The following MACF1 variants were observed in gnomAD, a reference collection of about 807,000 sequenced individuals.
MACF1 encodes the protein microtubule-actin cross-linking factor 1.
Under a neutral mutation model 854.8 loss-of-function variants are expected in MACF1, and 193 were observed. That is an observed-to-expected ratio of 0.23 (90% confidence interval 0.20 to 0.25). The LOEUF (loss-of-function observed/expected upper bound fraction) is 0.25, where lower values mean the gene tolerates loss of function less well. MACF1 is among the 10% of genes least tolerant of loss of function. The probability of loss-of-function intolerance (pLI) is 1.00; values close to 1 mark genes in which losing one functional copy is unlikely to be tolerated. For missense variants in MACF1, 7,722 were observed against 8,929.1 expected, an observed-to-expected ratio of 0.86 and a Z score of 5.45; for synonymous variants, 3,185 against 3,226.7, an observed-to-expected ratio of 0.99 and a Z score of 0.44.
intron 19 of MACF1, among the ~76,000 whole-genome samples, 160 bp downstream of exon 19, chr1:39,295,310 C>T (rs546360249): frequency 2.7e-4 from 41 of 152,268 alleles, no homozygotes; most frequent in African/African-American, 9.9e-4. Context: ...TCCTATGTCC[C>T]TCAAAAGCCT....
rs764328886 is a variant in MACF1 at position 39,334,975 on chromosome 1, C to T, written c.8387C>T (p.Ala2796Val). 5.0e-6 allele frequency: 8 copies of T among 1,614,074 alleles called. No individual in the cohort carries two copies. The East Asian group carries it at 8.9e-5, about 18-fold the overall frequency. ...NEFLGKDMLI[A>V]CNQTAEMSCN... is the part of the protein sequence containing the mutation. ...TTTCTAGGAAAGGATATGTTAATTG[C>T]TTGTAATCAGACTGCTGAAATGAGT... The change falls in exon 37 of 101, where the codon GCT becomes GTT. Residue 2796 changes from alanine (A) to valine (V), a missense_variant. Transcript: ENST00000564288.
chr1:39,410,240 T>C, intron 58 of MACF1: 4 of 1,514,586 alleles, frequency 2.6e-6, no homozygotes, highest in Non-Finnish European at 3.6e-6. Context: ...TTTGAAAGAT[T>C]GATGGTTCAT....
chr1:39,273,936 G>T (rs1645381719), intron 6 of MACF1, among the ~76,000 whole-genome samples: 1 of 152,152 alleles, frequency 6.6e-6, no homozygotes, highest in Non-Finnish European at 1.5e-5. Flanking sequence ...TGTTACTAAA[G>T]AATCATTATT....
At chr1:39,473,646 T>A (rs938510786) in intron 97 of MACF1, among the ~76,000 whole-genome samples, 1 of 152,212 alleles carries the variant, frequency 6.6e-6, no homozygotes, top group Non-Finnish European at 1.5e-5. Context: ...CACTTCTCAA[T>A]GGAAGCACTT....
At chr1:39,477,090 T>C (rs112104453) in intron 97 of MACF1, among the ~76,000 whole-genome samples, 7,735 of 24,958 alleles carry the variant, frequency 0.31, 685 homozygotes, top group African/African-American at 0.37. Context: ...TATATATATA[T>C]ACACACACAC....
chr1:39,187,888 CTCTCTCT>C (rs1368488469), intron 2 of MACF1, among the ~76,000 whole-genome samples: 1,036 of 16,732 alleles, frequency 0.062, 15 homozygotes, highest in African/African-American at 0.11. Flanking sequence ...CTCTGTCTCT[CTCTCTCT>C]CTCTCTCCTC....
In MACF1 at chr1:39,393,189, AAAAAAAAATATATAT is replaced by A. The variant is rs1356833953; in HGVS notation, c.15816+4533_15816+4547del. Among the ~76,000 whole-genome samples the A allele has an allele frequency of 6.8e-3, 703 of 103,990 alleles. 10 individuals are homozygous for A. The highest frequency in any genetic ancestry group is 0.022 in the Middle Eastern group (5 of 228). The allele number at this position is 103,990 out of a possible 152,430, so 68.2% of individuals were successfully genotyped here. A position where few individuals can be genotyped will look rare whatever the true frequency, so the allele number is the denominator to read the frequency against. The stretch of plus-strand genomic sequence containing the variant: ...GACCTTCCTGGGAAGGGTAAAAAAA[AAAAAAAAATATATAT>A]ATATATATATATATATATATGTTAA... On this transcript the variant is annotated intron_variant, in intron 58 of 100. Coordinates refer to ENST00000564288, the MANE Select transcript of MACF1 (RefSeq NM_001394062.1).
At chr1:39,102,210 AG>A (rs1252878535) in intron 2 of MACF1, among the ~76,000 whole-genome samples, 15 of 151,160 alleles carry the variant, frequency 9.9e-5, no homozygotes, top group Non-Finnish European at 1.9e-4. Flanking sequence ...AGAGAGAGAG[AG>A]AAAGAGAGAG....
intron 2 of MACF1, among the ~76,000 whole-genome samples, chr1:39,145,100 A>T (rs1156648561): frequency 6.6e-6 from 1 of 152,044 alleles, no homozygotes; most frequent in African/African-American, 2.4e-5. Flanking sequence ...TGAGCTACTG[A>T]GTGCCACTGC....
intron 2 of MACF1, among the ~76,000 whole-genome samples, chr1:39,137,540 A>G (rs1242566255): frequency 6.6e-6 from 1 of 152,076 alleles, no homozygotes; most frequent in South Asian, 2.1e-4. Context: ...TAATTTTTAA[A>G]TTTTTTGTAA....
In MACF1 at chr1:39,103,117, A is replaced by T. The variant is rs370957028; in HGVS notation, c.220+18679A>T. 72 of 517,518 alleles carry T rather than the reference A, an allele frequency of 1.4e-4. No homozygotes were observed. The East Asian group carries it at 2.1e-3, about 15-fold the overall frequency. The allele number at this position is 517,518 out of a possible 1,614,324, so 32.1% of individuals were successfully genotyped here. Reference sequence around the variant, plus strand: ...CTCTCTAGCCACAACCTAAAGCAGAAGTTTCTTCTTTGATTTGTGTGTTTC... The same window carrying T: ...CTCTCTAGCCACAACCTAAAGCAGATGTTTCTTCTTTGATTTGTGTGTTTC... On this transcript the variant is annotated intron_variant, in intron 2 of 93. Coordinates refer to the MACF1 transcript ENST00000361689.
chr1:39,288,094 G>C (rs1645682434), intron 15 of MACF1, among the ~76,000 whole-genome samples: 1 of 152,120 alleles, frequency 6.6e-6, no homozygotes, highest in African/African-American at 2.4e-5. Flanking sequence ...TTTGATACAG[G>C]CATGTAATGC....
intron 2 of MACF1, among the ~76,000 whole-genome samples, chr1:39,163,885 T>C (rs560652670): frequency 1.5e-4 from 23 of 152,350 alleles, no homozygotes; most frequent in Admixed American, 1.3e-3. Context: ...ATTGTCCTTA[T>C]AGAAAGCAGG....
At chr1:39,374,400 A>T (rs1268442805) in intron 52 of MACF1, among the ~76,000 whole-genome samples, 1 of 152,234 alleles carries the variant, frequency 6.6e-6, no homozygotes, top group Non-Finnish European at 1.5e-5. Flanking sequence ...GAAAATGTGT[A>T]CTTTTCTATA....
chr1:39,380,137 C>T (rs1399396091), intron 54 of MACF1, 107 bp from the exon 55 acceptor site: 2 of 1,091,154 alleles, frequency 1.8e-6, no homozygotes, highest in Non-Finnish European at 2.7e-6. Flanking sequence ...TGATAGGATC[C>T]TAGTAGAGTC....
chr1:39,404,376 C>A (rs923533080), intron 58 of MACF1, among the ~76,000 whole-genome samples: 10 of 151,338 alleles, frequency 6.6e-5, no homozygotes, highest in Non-Finnish European at 1.3e-4. Context: ...GAGGCTGAGG[C>A]AGGAGAATCA....
chr1:39,429,400 C>T (rs1042784449), intron 64 of MACF1, 74 bp downstream of exon 64: 3 of 807,686 alleles, frequency 3.7e-6, no homozygotes, highest in Non-Finnish European at 6.3e-6. Context: ...AAGGAGTTCC[C>T]TGCCTTAGCC....
At chr1:39,245,686 G>C (rs760038776) in intron 2 of MACF1, among the ~76,000 whole-genome samples, 1 of 152,150 alleles carries the variant, frequency 6.6e-6, no homozygotes, top group Non-Finnish European at 1.5e-5. Flanking sequence ...CCAGGAGTTC[G>C]AGACTAGCCT....
intron 23 of MACF1, among the ~76,000 whole-genome samples, chr1:39,307,365 C>T (rs999673260): frequency 6.6e-6 from 1 of 151,260 alleles, no homozygotes; most frequent in East Asian, 1.9e-4. Flanking sequence ...AATTGTTTAT[C>T]GTTCACCACT....
Sources: gnomAD v4.1 joint callset for allele counts (sites outside exome capture counted in the v4.1 genomes callset) on GRCh38, gnomAD v4.1.1 for gene constraint, MANE v1.5 for transcripts, NCBI Gene and HGNC (gene_info 2026-07-23, HGNC 2026-07-21) for gene names.